Variants in CAD observed in about 807,000 individuals in gnomAD.
CAD encodes multifunctional protein CAD.
Under a neutral mutation model 237.2 loss-of-function variants are expected in CAD, and 81 were observed. The observed-to-expected ratio is 0.34, with a 90% CI of 0.29 to 0.41. The LOEUF (loss-of-function observed/expected upper bound fraction) is 0.41, where lower values mean the gene tolerates loss of function less well. Among genes scored for constraint, CAD ranks in the 10% least tolerant of loss-of-function variants. The probability of loss-of-function intolerance (pLI) is 1.00; values close to 1 mark genes in which losing one functional copy is unlikely to be tolerated. For synonymous variants in CAD, 1,196 were observed against 1,162.8 expected, an observed-to-expected ratio of 1.03 and a Z score of -0.58; for missense variants, 2,181 against 2,951.7, an observed-to-expected ratio of 0.74 and a Z score of 6.05.
At position 27,231,671 on chromosome 2, in the gene CAD, C is replaced by G. The variant is rs144738556; in HGVS notation, c.2400+91C>G. 6.4e-6 allele frequency: 5 copies of G among 784,600 alleles called. No homozygotes were observed. The African/African-American group carries it at 6.8e-5, about 11-fold the overall frequency. 48.6% of individuals were successfully genotyped at this position (784,600 alleles called of 1,614,324 possible). ...ATGAGCTTGTTACCAGTAACACTAGCAGCAGTCATCATTGGACATTTGCTT... is the reference window on the plus strand; with the variant it reads ...ATGAGCTTGTTACCAGTAACACTAGGAGCAGTCATCATTGGACATTTGCTT... On this transcript the variant is annotated intron_variant, in intron 16 of 43. Transcript: ENST00000264705.
chr2:27,224,223 C>G, intron 8 of CAD, 122 bp from the exon 9 acceptor site: 5 of 1,101,050 alleles, frequency 4.5e-6, no homozygotes, highest in Non-Finnish European at 5.3e-6. Context: ...TCTGGTCCTC[C>G]CTCTGCTCCT....
intron 15 of CAD, among the ~76,000 whole-genome samples, chr2:27,231,106 C>T (rs982477513): frequency 2.6e-5 from 4 of 152,174 alleles, no homozygotes; most frequent in African/African-American, 7.2e-5. Context: ...CCCGGGTTCA[C>T]GCCATTTTCC....
intron 9 of CAD, 126 bp downstream of exon 9, chr2:27,224,616 G>C: frequency 6.5e-7 from 1 of 1,537,584 alleles, no homozygotes. Context: ...GAAAGATGTA[G>C]TAAGAAATAG....
In CAD at chr2:27,235,415, T is replaced by C; in HGVS notation, c.3957T>C (p.Ile1319=). ...KIPKKNILLT[I]GSYKNKSELL... ...CCAAGAAGAATATCCTGCTGACCAT[T>C]GGCAGCTATAAGGTATCAGAATCCA... The change falls in exon 24 of 44, where the codon ATT becomes ATC. Residue 1319 remains isoleucine (I), a synonymous_variant. Transcript: ENST00000264705. This position sits in a 1 kb window ranked among gnomAD's most constrained non-coding sequence, Gnocchi z 5.2. The C allele has an allele frequency of 6.2e-7, 1 of 1,611,110 alleles. No homozygotes were observed. Among genetic ancestry groups the C allele is most frequent in the Non-Finnish European group, 8.5e-7 (1 of 1,178,004 alleles).
chr2:27,217,889 G>C lies in CAD; in HGVS notation c.95G>C (p.Gly32Ala). ...STAGEVVFQT[G>A]MVGYPEALTD... Reference sequence around the variant, plus strand: ...TTCTTTCTTGCAGTGTTTCAAACCGGCATGGTCGGCTACCCCGAGGCCCTC... The same window carrying C: ...TTCTTTCTTGCAGTGTTTCAAACCGCCATGGTCGGCTACCCCGAGGCCCTC... Residue 32 changes from glycine to alanine, a missense_variant, in exon 2 of 44, where the codon GGC becomes GCC. Gly to Ala is a moderately conservative substitution (Grantham distance 60, BLOSUM62 0). This residue lies in a region of CAD where 314 missense variants were observed against 339.4 expected (regional missense o/e 0.93). Coordinates refer to ENST00000264705, the MANE Select transcript of CAD (RefSeq NM_004341.5). 6.2e-7 allele frequency: 1 copy of C among 1,604,608 alleles called. No homozygotes were observed. Among genetic ancestry groups the C allele is most frequent in the East Asian group, 2.2e-5 (1 of 44,598 alleles).
Position 27,237,510 on chromosome 2 carries a change from A to C in CAD, c.4528A>C (p.Ile1510Leu). 1 of 1,613,908 alleles carries C rather than the reference A, an allele frequency of 6.2e-7. No individual in the cohort carries two copies. The highest frequency in any genetic ancestry group is 8.5e-7 in the Non-Finnish European group (1 of 1,180,004). Residue 1510 changes from isoleucine to leucine, a missense_variant, in exon 28 of 44, where the codon ATC becomes CTC. Ile to Leu is a conservative substitution (Grantham distance 5). Transcript: ENST00000264705. This position sits in a 1 kb window ranked among gnomAD's most constrained non-coding sequence, Gnocchi z 4.0. ...VCAMPNTRPP[I>L]IDAPALALAQ... ...TGCCATGCCTAATACCCGGCCCCCC[A>C]TCATTGACGCCCCTGCTCTGGCCCT...
In CAD at chr2:27,239,874, G is replaced by C; in HGVS notation, c.5496+76G>C. The C allele has an allele frequency of 9.4e-7, 1 of 1,064,798 alleles. No homozygotes were observed. The highest frequency in any genetic ancestry group is 1.4e-6 in the Non-Finnish European group (1 of 740,102). 66.0% of individuals were successfully genotyped at this position (1,064,798 alleles called of 1,614,324 possible). A position where few individuals can be genotyped will look rare whatever the true frequency, so the allele number is the denominator to read the frequency against. On this transcript the variant is annotated intron_variant, in intron 34 of 43. Coordinates refer to ENST00000264705, the MANE Select transcript of CAD (RefSeq NM_004341.5). This position sits in a 1 kb window ranked among gnomAD's most constrained non-coding sequence, Gnocchi z 4.0. ...GATGAACAGCTTGAACATTTTCATT[G>C]GTGGTTCAGGAACAATTGGGGTTTT...
chr2:27,232,836 A>G lies in CAD; in HGVS notation c.2892+142A>G, dbSNP rs1215498532. 1 of 1,026,804 alleles carries G rather than the reference A, an allele frequency of 9.7e-7. No homozygotes were observed. Among genetic ancestry groups the G allele is most frequent in the Non-Finnish European group, 1.5e-6 (1 of 681,330 alleles). The allele number at this position is 1,026,804 out of a possible 1,614,324, so 63.6% of individuals were successfully genotyped here. On this transcript the variant is annotated intron_variant, in intron 18 of 43. Transcript: ENST00000264705. This position sits in a 1 kb window ranked among gnomAD's most constrained non-coding sequence, Gnocchi z 4.1. The stretch of plus-strand genomic sequence containing the variant: ...TTTGGGGTGGGGGTCCTTTTAGGCC[A>G]TCTCTCATGCCCCACACGGTATATG...
intron 43 of CAD, 39 bp downstream of exon 43, chr2:27,243,331 G>A (rs764099644): frequency 1.2e-6 from 2 of 1,611,462 alleles, no homozygotes; most frequent in South Asian, 2.2e-5. Context: ...CTCGGGGCTG[G>A]TGGACGGGAG....
chr2:27,222,308 G>C lies in CAD; in HGVS notation c.467G>C (p.Arg156Pro). ...SSLPFLDPNA[R>P]PLVPEVSIKT... ...CTGCCATTCTTGGACCCCAATGCCC[G>C]CCCCCTGGTACCAGAGGTCTCCATT... Residue 156 changes from arginine (R) to proline (P), a missense_variant, in exon 4 of 44, where the codon CGC becomes CCC. Arg to Pro is a moderately radical substitution (Grantham distance 103). Coordinates refer to ENST00000264705, the MANE Select transcript of CAD (RefSeq NM_004341.5). 1 of 1,612,760 alleles carries C rather than the reference G, an allele frequency of 6.2e-7. No individual in the cohort carries two copies. The highest frequency in any genetic ancestry group is 8.5e-7 in the Non-Finnish European group (1 of 1,178,966).
At position 27,242,571 on chromosome 2, in the gene CAD, G is replaced by A. The variant is rs370773636; in HGVS notation, c.6223-49G>A. The A allele has an allele frequency of 1.3e-5, 21 of 1,561,712 alleles. No homozygotes were observed. Among genetic ancestry groups the A allele is most frequent in the South Asian group, 9.6e-5 (8 of 83,004 alleles). On this transcript the variant is annotated intron_variant, in intron 40 of 43. Coordinates refer to ENST00000264705, the MANE Select transcript of CAD (RefSeq NM_004341.5). The surrounding 1 kb of genome is among the most constrained non-coding windows in gnomAD (Gnocchi z 6.4). Reference sequence around the variant, plus strand: ...CTTTTAAAAGCTTGGAAATGATGTCGGGGGGCACTCAGTCTGGGATCCCTG... The same window carrying A: ...CTTTTAAAAGCTTGGAAATGATGTCAGGGGGCACTCAGTCTGGGATCCCTG...
Position 27,222,597 on chromosome 2 carries a change from T to C in CAD, c.574T>C (p.Cys192Arg), listed in dbSNP as rs1274248530. 1 of 1,614,162 alleles carries C rather than the reference T, an allele frequency of 6.2e-7. No homozygotes were observed. The highest frequency in any genetic ancestry group is 8.5e-7 in the Non-Finnish European group (1 of 1,180,012). Reference sequence around the variant, plus strand: ...TGGCCTCAAGTATAATCAGATCCGATGCCTCTGCCAGCGTGGGGCTGAGGT... The same window carrying C: ...TGGCCTCAAGTATAATCAGATCCGACGCCTCTGCCAGCGTGGGGCTGAGGT... ...DCGLKYNQIR[C>R]LCQRGAEVTV... Residue 192 changes from cysteine (C) to arginine (R), a missense_variant, in exon 5 of 44, where the codon TGC (cysteine) becomes CGC (arginine). Cys to Arg is a radical substitution (Grantham distance 180). This residue lies in a region of CAD where 314 missense variants were observed against 339.4 expected (regional missense o/e 0.93). Coordinates refer to ENST00000264705, the MANE Select transcript of CAD (RefSeq NM_004341.5).
intron 2 of CAD, among the ~76,000 whole-genome samples, chr2:27,219,678 C>G (rs1675059277): frequency 6.6e-6 from 1 of 152,108 alleles, no homozygotes; most frequent in South Asian, 2.1e-4. Context: ...CAACCTCCGC[C>G]TCCCGGGTTC....
intron 4 of CAD, 53 bp from the exon 5 acceptor site, chr2:27,222,466 A>G: frequency 1.2e-6 from 2 of 1,601,970 alleles, no homozygotes; most frequent in Non-Finnish European, 1.7e-6. Context: ...GGCATATCTT[A>G]TACCCACTGA....
At chr2:27,231,371 C>G (rs977907826) in intron 15 of CAD, 97 bp from the exon 16 acceptor site, 21 of 712,388 alleles carry the variant, frequency 2.9e-5, no homozygotes, top group African/African-American at 1.9e-4. Flanking sequence ...TGAGAATCTC[C>G]CAGAGTCTTG....
In CAD at chr2:27,235,935, A is replaced by G. The variant is rs1572444642; in HGVS notation, c.4074+295A>G. 4.1e-6 allele frequency: 2 copies of G among 487,514 alleles called. No homozygotes were observed. Among genetic ancestry groups the G allele is most frequent in the African/African-American group, 1.9e-5 (1 of 51,786 alleles). The allele number at this position is 487,514 out of a possible 1,614,324, so 30.2% of individuals were successfully genotyped here. The stretch of plus-strand genomic sequence containing the variant: ...CTGCTTTTATTATTACCATTATACT[A>G]GTAAGCTATATTCCATGCAGAAAGC... On this transcript the variant is annotated intron_variant, in intron 25 of 43. Coordinates refer to ENST00000264705, the MANE Select transcript of CAD (RefSeq NM_004341.5). This position sits in a 1 kb window ranked among gnomAD's most constrained non-coding sequence, Gnocchi z 5.2.
rs768840281 is a variant in CAD at position 27,241,983 on chromosome 2, C to T, written c.5956C>T (p.Arg1986Trp). Reference sequence around the variant, plus strand: ...CAGCTCCTTTGCAGCAGCCATGGCCCGGCTGGGAGGTGCTGTGCTCAGCTT... The same window carrying T: ...CAGCTCCTTTGCAGCAGCCATGGCCTGGCTGGGAGGTGCTGTGCTCAGCTT... ...TSSSFAAAMA[R>W]LGGAVLSFSE... Residue 1986 changes from arginine (R) to tryptophan (W), a missense_variant, in exon 39 of 44, where the codon CGG (arginine) becomes TGG (tryptophan). Arg to Trp is a moderately radical substitution (Grantham distance 101, BLOSUM62 -3). Transcript: ENST00000264705. This position sits in a 1 kb window ranked among gnomAD's most constrained non-coding sequence, Gnocchi z 4.6. 12 of 1,613,340 alleles carry T rather than the reference C, an allele frequency of 7.4e-6. No individual in the cohort carries two copies. The highest frequency in any genetic ancestry group is 2.2e-5 in the South Asian group (2 of 91,086).
At chr2:27,221,138 G>T (rs1675145642) in intron 2 of CAD, 80 bp from the exon 3 acceptor site, 2 of 1,280,062 alleles carry the variant, frequency 1.6e-6, no homozygotes, top group Non-Finnish European at 1.1e-6. Context: ...TGAATATAGG[G>T]TCTGTGGCCA....
intron 13 of CAD, 30 bp from the exon 14 acceptor site, chr2:27,226,495 G>T: frequency 1.2e-6 from 2 of 1,612,934 alleles, no homozygotes; most frequent in Non-Finnish European, 1.7e-6. Flanking sequence ...GGGTCTTCTA[G>T]GCCAGTGACT....
Sources: allele counts gnomAD v4.1 joint callset (sites outside exome capture counted in the v4.1 genomes callset), GRCh38; gene constraint gnomAD v4.1.1; regional missense constraint gnomAD v4.1.1; non-coding constraint Gnocchi (gnomAD v3.1); transcripts MANE v1.5; gene names NCBI Gene and HGNC (gene_info 2026-07-23, HGNC 2026-07-21).